Variants in ERAP1 observed in about 807,000 individuals in gnomAD.
ERAP1 encodes adipocyte-derived leucine aminopeptidase.
In ERAP1, 86 loss-of-function variants were observed where a neutral mutation model predicts 103.7. The ratio of observed to expected loss-of-function variants is 0.83; its 90% CI spans 0.70 to 0.99. The LOEUF is 0.99. ERAP1 is among the 50% of genes least tolerant of loss of function. The pLI is 0.00. For synonymous variants in ERAP1, 398 were observed against 402.4 expected, an observed-to-expected ratio of 0.99 and a Z score of 0.13; for missense variants, 1,009 against 1,128.4, an observed-to-expected ratio of 0.89 and a Z score of 1.52.
chr5:96,906,666 G>A, the ERAP1 span, among the ~76,000 whole-genome samples: 2 of 152,262 alleles, frequency 1.3e-5, no homozygotes, highest in Non-Finnish European at 2.9e-5. Context: ...TAAGTTGAGT[G>A]GAATTGAAAT....
intron 3 of ERAP1, 114 bp from the exon 4 acceptor site, chr5:96,797,423 G>T: frequency 1.7e-6 from 2 of 1,166,886 alleles, no homozygotes; most frequent in South Asian, 1.3e-5. Context: ...CCAGCACTTG[G>T]GGAGTCCGAG....
the ERAP1 span, among the ~76,000 whole-genome samples, chr5:96,872,335 C>CA: frequency 0.049 from 6,216 of 127,296 alleles, 182 homozygotes; most frequent in East Asian, 0.088. Flanking sequence ...GACCCTGTCT[C>CA]AAAAAAAAAA....
At chr5:96,826,769 G>A in the ERAP1 span, among the ~76,000 whole-genome samples, 1 of 152,024 alleles carries the variant, frequency 6.6e-6, no homozygotes, top group African/African-American at 2.4e-5. Context: ...GAACGTTATG[G>A]TTTTTCTTCT....
chr5:96,901,666 G>A, the ERAP1 span: 1 of 1,613,862 alleles, frequency 6.2e-7, no homozygotes, highest in Admixed American at 1.7e-5. Context: ...CCTGAATGGA[G>A]GGCCCTGCAG....
the ERAP1 span, chr5:96,912,597 T>C: frequency 3.2e-5 from 49 of 1,550,452 alleles, no homozygotes; most frequent in South Asian, 5.7e-4. Flanking sequence ...AGTTTTTCTT[T>C]CATAAAACTT....
At chr5:96,888,755 C>A in the ERAP1 span, among the ~76,000 whole-genome samples, 1 of 152,288 alleles carries the variant, frequency 6.6e-6, no homozygotes, top group Non-Finnish European at 1.5e-5. Flanking sequence ...GAGGGCGGAT[C>A]CAATAAGTTC....
the ERAP1 span, chr5:96,814,400 C>T: frequency 0.068 from 30,509 of 450,936 alleles, 1,383 homozygotes; most frequent in Middle Eastern, 0.13. Flanking sequence ...ACTAATGTTA[C>T]TGCACATTGA....
chr5:96,774,637 T>TAATC lies in ERAP1; in HGVS notation c.*1755_*1758dup. The TAATC allele has an allele frequency of 1.0e-6, 1 of 985,266 alleles. No homozygotes were observed. The highest frequency in any genetic ancestry group is 1.2e-6 in the Non-Finnish European group (1 of 829,668). 61.0% of individuals were successfully genotyped at this position (985,266 alleles called of 1,614,324 possible). On this transcript the variant is annotated 3_prime_UTR_variant, in exon 19 of 19. Coordinates refer to ENST00000443439, the MANE Select transcript of ERAP1 (RefSeq NM_001040458.3). ...GAAAATCAATATTTCCATGTTTCAT[T>TAATC]AATCAAGGCATAAAATACAATTAAA...
chr5:96,775,118 A>C lies in ERAP1; in HGVS notation c.*1278T>G. On this transcript the variant is annotated 3_prime_UTR_variant, in exon 19 of 19. Coordinates refer to ENST00000443439, the MANE Select transcript of ERAP1 (RefSeq NM_001040458.3). ...GTAGCAAGTTTTCAGAATAAGAAAT[A>C]AAATCTAATTCTTAGGGTATTAACT... 1 of 985,434 alleles carries C rather than the reference A, an allele frequency of 1.0e-6. No individual in the cohort carries two copies. The highest frequency in any genetic ancestry group is 1.1e-4 in the East Asian group (1 of 8,954). 61.0% of individuals were successfully genotyped at this position (985,434 alleles called of 1,614,324 possible). A position where few individuals can be genotyped will look rare whatever the true frequency, so the allele number is the denominator to read the frequency against.
the ERAP1 span, chr5:96,901,622 G>A: frequency 0.52 from 837,392 of 1,613,618 alleles, 218,582 homozygotes; most frequent in Admixed American, 0.61. Flanking sequence ...GACTGCAACA[G>A]GAGCGCTTCC....
the ERAP1 span, chr5:96,895,239 C>T: frequency 1.9e-6 from 3 of 1,550,686 alleles, no homozygotes; most frequent in East Asian, 2.3e-5. Context: ...GAGTTTTTAC[C>T]TCCTAGTGGT....
At chr5:96,834,165 T>C in the ERAP1 span, among the ~76,000 whole-genome samples, 121 of 152,320 alleles carry the variant, frequency 7.9e-4, no homozygotes, top group Non-Finnish European at 1.3e-3. Context: ...AGTTAAAGCT[T>C]TCAGTAAAGA....
chr5:96,901,325 G>C, the ERAP1 span, among the ~76,000 whole-genome samples: 10 of 152,196 alleles, frequency 6.6e-5, no homozygotes, highest in East Asian at 1.9e-3. Context: ...AATTTGCAGA[G>C]AGCAGCCCTG....
the ERAP1 span, among the ~76,000 whole-genome samples, chr5:96,858,196 C>A: frequency 1.3e-5 from 2 of 150,302 alleles, no homozygotes; most frequent in Non-Finnish European, 3.0e-5. Flanking sequence ...GTAAATTATT[C>A]TTCTCCTCCT....
At chr5:96,911,011 A>G in the ERAP1 span, among the ~76,000 whole-genome samples, 9 of 152,224 alleles carry the variant, frequency 5.9e-5, no homozygotes, top group African/African-American at 1.9e-4. Flanking sequence ...ATGTATTATA[A>G]TTATTTGATC....
chr5:96,916,456 C>CTTTTTTT, the ERAP1 span, among the ~76,000 whole-genome samples: 3 of 97,640 alleles, frequency 3.1e-5, no homozygotes, highest in East Asian at 2.7e-4. Context: ...TTCTAGTTAT[C>CTTTTTTT]TTTTTTTTTT....
chr5:96,924,730 C>T, the ERAP1 span, among the ~76,000 whole-genome samples: 7 of 151,750 alleles, frequency 4.6e-5, no homozygotes, highest in Admixed American at 4.6e-4. Context: ...CACGAGTAGC[C>T]GGGACTACAG....
the ERAP1 span, chr5:96,879,492 T>C: frequency 1.8e-6 from 1 of 548,974 alleles, no homozygotes; most frequent in Non-Finnish European, 3.2e-6. Context: ...ACATACCTTT[T>C]TACATGTTTA....
chr5:96,830,220 C>A, the ERAP1 span, among the ~76,000 whole-genome samples: 2 of 152,070 alleles, frequency 1.3e-5, no homozygotes, highest in African/African-American at 4.8e-5. Context: ...GCTTGTGGTC[C>A]CCAAGCTGGC....
Sources: allele counts gnomAD v4.1 joint callset (sites outside exome capture counted in the v4.1 genomes callset), GRCh38; gene constraint gnomAD v4.1.1; transcripts MANE v1.5; gene names NCBI Gene and HGNC (gene_info 2026-07-23, HGNC 2026-07-21).